ARHGAP40: variants seen among roughly 807,000 people sequenced by gnomAD.
ARHGAP40 encodes the protein Rho GTPase activating protein 40, also known as rho GTPase-activating protein 40.
A neutral mutation model predicts 73.5 loss-of-function variants in ARHGAP40; 43 were observed. The ratio of observed to expected loss-of-function variants is 0.58; its 90% CI spans 0.46 to 0.75. The LOEUF (loss-of-function observed/expected upper bound fraction) is 0.75. Among genes scored for constraint, ARHGAP40 ranks in the 30% least tolerant of loss-of-function variants. The probability of loss-of-function intolerance (pLI) is 0.00; values close to 1 mark genes in which losing one functional copy is unlikely to be tolerated. For synonymous variants in ARHGAP40, 300 were observed against 352.8 expected, an observed-to-expected ratio of 0.85 and a Z score of 1.68; for missense variants, 734 against 861.8, an observed-to-expected ratio of 0.85 and a Z score of 1.86.
intron 8 of ARHGAP40, 43 bp from the exon 9 acceptor site, chr20:38,639,184 G>A: frequency 1.5e-6 from 2 of 1,297,730 alleles, no homozygotes; most frequent in Non-Finnish European, 2.0e-6. Context: ...ACTTCTACCA[G>A]AGCCCTGGGC....
At chr20:38,631,855 C>A (rs1348616365) in intron 5 of ARHGAP40, among the ~76,000 whole-genome samples, 1 of 152,156 alleles carries the variant, frequency 6.6e-6, no homozygotes, top group Non-Finnish European at 1.5e-5. Flanking sequence ...AGGTCCACAG[C>A]AAGTTGCAAA....
rs549976441 is a variant in ARHGAP40, at chr20:38,650,330, T to C, written c.*482T>C. ...CCTTTATCAAGAGGTAGTTGGGGTC[T>C]TTTCCCCCCAGGCAAAATTGTTTCG... On this transcript the variant is annotated 3_prime_UTR_variant, in exon 15 of 15. Coordinates refer to ENST00000373345, the Ensembl canonical transcript of ARHGAP40. 25 of 470,836 alleles carry C rather than the reference T, an allele frequency of 5.3e-5. No homozygotes were observed. The East Asian group carries it at 1.7e-3, about 31-fold the overall frequency. The allele number at this position is 470,836 out of a possible 1,614,324, so 29.2% of individuals were successfully genotyped here. A position where few individuals can be genotyped will look rare whatever the true frequency, so the allele number is the denominator to read the frequency against.
chr20:38,644,613 GTCACCCACCCAC>G (rs150206754), intron 11 of ARHGAP40, among the ~76,000 whole-genome samples: 2,539 of 123,762 alleles, frequency 0.021, 97 homozygotes, highest in African/African-American at 0.076. Context: ...GCAACTGCCC[GTCACCCACCCAC>G]TCACCCACCC....
chr20:38,614,803 C>T (rs2088825057), intron 1 of ARHGAP40: 2 of 686,468 alleles, frequency 2.9e-6, no homozygotes, highest in Non-Finnish European at 5.2e-6. Flanking sequence ...CTTGCACCAT[C>T]GCACGTTTTT....
chr20:38,611,575 A>G (rs2088805316), intron 1 of ARHGAP40, among the ~76,000 whole-genome samples: 1 of 151,014 alleles, frequency 6.6e-6, no homozygotes, highest in Non-Finnish European at 1.5e-5. Context: ...GCACAACCAC[A>G]CTTGGCTAAT....
chr20:38,638,653 T>C, intron 7 of ARHGAP40, 108 bp from the exon 8 acceptor site: 1 of 770,540 alleles, frequency 1.3e-6, no homozygotes, highest in African/African-American at 1.8e-5. Flanking sequence ...AAGGAAACCC[T>C]TCTCCTGGTA....
intron 14 of ARHGAP40, among the ~76,000 whole-genome samples, chr20:38,649,045 G>A (rs2089071752): frequency 6.6e-6 from 1 of 152,208 alleles, no homozygotes; most frequent in African/African-American, 2.4e-5. Flanking sequence ...TGGCCTAGGG[G>A]CCAAGGAGTC....
exon 14 of ARHGAP40, chr20:38,648,679 T>C: frequency 7.7e-7 from 1 of 1,305,780 alleles, no homozygotes; most frequent in Non-Finnish European, 1.0e-6. Flanking sequence ...TCCTCCTCTA[T>C]GAAGTTGGAG....
chr20:38,623,494 G>A, exon 2 of ARHGAP40: 2 of 1,290,932 alleles, frequency 1.5e-6, no homozygotes, highest in Non-Finnish European at 2.0e-6. Flanking sequence ...AGGTGGAACA[G>A]ATCCAACAGA....
exon 15 of ARHGAP40, chr20:38,650,562 A>G (rs1271731353): frequency 4.3e-6 from 2 of 466,302 alleles, no homozygotes; most frequent in Non-Finnish European, 8.9e-6. Context: ...CATGCTTTAC[A>G]TGTTGATTTG....
At chr20:38,615,679 C>T (rs1253103956) in intron 1 of ARHGAP40, among the ~76,000 whole-genome samples, 2 of 152,092 alleles carry the variant, frequency 1.3e-5, no homozygotes, top group African/African-American at 4.8e-5. Flanking sequence ...GAACATGGAG[C>T]GTGCACACAG....
intron 11 of ARHGAP40, among the ~76,000 whole-genome samples, chr20:38,645,825 C>T (rs1377483027): frequency 2.0e-5 from 3 of 152,170 alleles, no homozygotes; most frequent in South Asian, 4.1e-4. Context: ...TCAGGGTGGG[C>T]TCCACTCTCA....
chr20:38,615,554 GT>G, intron 1 of ARHGAP40: 2 of 560,316 alleles, frequency 3.6e-6, no homozygotes, highest in Admixed American at 2.6e-5. Context: ...CGCAGCCACT[GT>G]TTTCCCCGAG....
intron 10 of ARHGAP40, among the ~76,000 whole-genome samples, chr20:38,642,742 A>C: frequency 7.3e-6 from 1 of 136,704 alleles, no homozygotes; most frequent in East Asian, 2.2e-4. Context: ...CCATCCATCC[A>C]TCCCTCCCTC....
At chr20:38,603,584 A>ATC (rs138223651) in intron 1 of ARHGAP40, among the ~76,000 whole-genome samples, 2 of 151,404 alleles carry the variant, frequency 1.3e-5, no homozygotes, top group Admixed American at 1.3e-4. Flanking sequence ...CTTATCTATC[A>ATC]TCTCTCTCTC....
chr20:38,627,618 GGTGT>G (rs200557725), intron 3 of ARHGAP40, among the ~76,000 whole-genome samples: 1 of 81,812 alleles, frequency 1.2e-5, no homozygotes, highest in Non-Finnish European at 2.6e-5. Flanking sequence ...TGTGTGTGTT[GGTGT>G]GTGTGTGTTG....
intron 5 of ARHGAP40, 149 bp downstream of exon 5, chr20:38,629,799 T>G: frequency 2.2e-6 from 2 of 913,532 alleles, no homozygotes; most frequent in African/African-American, 1.7e-5. Flanking sequence ...AAATATTTAC[T>G]GAGTGACCGC....
intron 3 of ARHGAP40, among the ~76,000 whole-genome samples, chr20:38,627,617 T>C (rs1415369401): frequency 1.2e-5 from 1 of 82,808 alleles, no homozygotes; most frequent in African/African-American, 5.0e-5. Context: ...GTGTGTGTGT[T>C]GGTGTGTGTG....
chr20:38,611,547 G>T (rs1002497961), intron 1 of ARHGAP40, among the ~76,000 whole-genome samples: 1 of 150,562 alleles, frequency 6.6e-6, no homozygotes, highest in Non-Finnish European at 1.5e-5. Context: ...CCTCCTGAAC[G>T]GCTGGGACTC....
Sources: allele counts gnomAD v4.1 joint callset (sites outside exome capture counted in the v4.1 genomes callset), GRCh38; gene constraint gnomAD v4.1.1; transcripts MANE v1.5; gene names NCBI Gene and HGNC (gene_info 2026-07-23, HGNC 2026-07-21).